The following INPP4A variants were observed in gnomAD, a reference collection of about 807,000 sequenced individuals.
INPP4A encodes the protein inositol polyphosphate-4-phosphatase, type I, 107kD.
A neutral mutation model predicts 119.8 loss-of-function variants in INPP4A; 33 were observed. The ratio of observed to expected loss-of-function variants is 0.28; its 90% CI spans 0.21 to 0.37. The LOEUF is 0.37. Among genes scored for constraint, INPP4A ranks in the 10% least tolerant of loss-of-function variants. The pLI is 1.00. For missense variants in INPP4A, 956 were observed against 1,289.9 expected, an observed-to-expected ratio of 0.74 and a Z score of 3.97; for synonymous variants, 496 against 500.7, an observed-to-expected ratio of 0.99 and a Z score of 0.12.
intron 1 of INPP4A, among the ~76,000 whole-genome samples, chr2:98,513,028 G>C (rs978646540): frequency 6.6e-6 from 1 of 152,038 alleles, no homozygotes; most frequent in Admixed American, 6.5e-5. Flanking sequence ...GATGGCTTTT[G>C]TTTGAAAGAA....
chr2:98,469,772 C>G (rs1305550833), intron 1 of INPP4A, among the ~76,000 whole-genome samples: 2 of 152,274 alleles, frequency 1.3e-5, no homozygotes, highest in Middle Eastern at 3.4e-3. Flanking sequence ...CCATTGCACT[C>G]CAGCCTGGGC....
At chr2:98,482,052 T>C (rs949398507) in intron 1 of INPP4A, among the ~76,000 whole-genome samples, 6 of 152,246 alleles carry the variant, frequency 3.9e-5, no homozygotes, top group Non-Finnish European at 5.9e-5. Flanking sequence ...AGTGGGAGGA[T>C]CACTTGAGGC....
chr2:98,562,092 CA>C (rs1392388280), intron 17 of INPP4A, among the ~76,000 whole-genome samples: 3 of 152,340 alleles, frequency 2.0e-5, no homozygotes, highest in East Asian at 3.9e-4. Context: ...CGGGCCTCCA[CA>C]TTTTCCACCT....
At chr2:98,496,678 A>C (rs1333042412) in intron 1 of INPP4A, among the ~76,000 whole-genome samples, 1 of 152,266 alleles carries the variant, frequency 6.6e-6, no homozygotes, top group Non-Finnish European at 1.5e-5. Flanking sequence ...AATTGCAGGA[A>C]ACAATCCAAT....
intron 16 of INPP4A, among the ~76,000 whole-genome samples, chr2:98,558,747 A>T (rs554392591): frequency 6.6e-6 from 1 of 152,334 alleles, no homozygotes; most frequent in Non-Finnish European, 1.5e-5. Context: ...CCAGTTAATG[A>T]GAAATTTTGG....
chr2:98,532,098 A>C (rs1689345666), intron 4 of INPP4A, among the ~76,000 whole-genome samples: 1 of 152,226 alleles, frequency 6.6e-6, no homozygotes, highest in African/African-American at 2.4e-5. Context: ...CAAAGGATGG[A>C]GATAGCCAGT....
chr2:98,460,772 G>A (rs1358625307), intron 1 of INPP4A, among the ~76,000 whole-genome samples: 3 of 152,178 alleles, frequency 2.0e-5, no homozygotes, highest in Non-Finnish European at 2.9e-5. Flanking sequence ...AGACCACAGG[G>A]CAGGGTGTCC....
chr2:98,593,122 C>T lies in INPP4A; in HGVS notation c.*5514C>T, dbSNP rs1399116382. The T allele has an allele frequency of 1.3e-5, 2 of 152,340 alleles. No individual in the cohort carries two copies. The highest frequency in any genetic ancestry group is 2.9e-5 in the Non-Finnish European group (2 of 68,118). The allele number at this position is 152,340 out of a possible 1,614,324, so 9.4% of individuals were successfully genotyped here. The stretch of plus-strand genomic sequence containing the variant: ...AAAACACCCATACTCTAGATTCCCT[C>T]CACTGGAACCCTGTCTTTGCCATGA... On this transcript the variant is annotated 3_prime_UTR_variant, in exon 25 of 25. Coordinates refer to ENST00000409851, the MANE Select transcript of INPP4A (RefSeq NM_001134225.2).
chr2:98,539,743 T>C (rs916973730), intron 10 of INPP4A, 68 bp downstream of exon 10: 17 of 1,494,458 alleles, frequency 1.1e-5, no homozygotes, highest in African/African-American at 7.1e-5. Flanking sequence ...TTCTGAGATA[T>C]AGCGGGCAGA....
chr2:98,494,106 C>T (rs1487981953), intron 1 of INPP4A, among the ~76,000 whole-genome samples: 1 of 152,176 alleles, frequency 6.6e-6, no homozygotes, highest in Non-Finnish European at 1.5e-5. Context: ...TTTTCCCATC[C>T]GCTGCCCAGC....
intron 8 of INPP4A, 128 bp downstream of exon 8, chr2:98,538,102 C>G (rs1690672903): frequency 1.2e-5 from 8 of 641,976 alleles, no homozygotes; most frequent in Admixed American, 2.7e-5. Context: ...TGCTGCTCCC[C>G]ACGGACACTC....
rs1214900084 is a variant in INPP4A, at chr2:98,550,703, C to T, written c.1164-2083C>T. Among the ~76,000 whole-genome samples, 3 of 152,356 alleles carry T rather than the reference C, an allele frequency of 2.0e-5. No individual in the cohort carries two copies. In the East Asian group the frequency reaches 5.8e-4, roughly 29 times the overall value. On this transcript the variant is annotated intron_variant, in intron 13 of 24. Transcript: ENST00000409851. Reference sequence around the variant, plus strand: ...CTTGTATTTTCCTCATCATCCTAAACAGCACCTCTTTGAAATTTGCCTTTT... The same window carrying T: ...CTTGTATTTTCCTCATCATCCTAAATAGCACCTCTTTGAAATTTGCCTTTT...
intron 1 of INPP4A, among the ~76,000 whole-genome samples, chr2:98,479,457 G>C (rs928817600): frequency 2.0e-5 from 3 of 152,152 alleles, no homozygotes; most frequent in Non-Finnish European, 4.4e-5. Flanking sequence ...TCTCTGCATG[G>C]GGATGGCTGG....
In INPP4A at chr2:98,573,834, T is replaced by C. The variant is rs1043763023; in HGVS notation, c.2631+907T>C. ...GCCGGGCTTCATGAAGCCGCACTTT[T>C]TGAATGTGCTCCACTTCTGGGTTTG... On this transcript the variant is annotated intron_variant, in intron 23 of 24. Coordinates refer to ENST00000409851, the MANE Select transcript of INPP4A (RefSeq NM_001134225.2). 2.0e-5 allele frequency among the ~76,000 whole-genome samples: 3 copies of C among 152,198 alleles called. No individual in the cohort carries two copies. In the East Asian group the frequency reaches 5.8e-4, roughly 29 times the overall value.
At chr2:98,512,036 C>T (rs1333934333) in intron 1 of INPP4A, among the ~76,000 whole-genome samples, 1 of 152,208 alleles carries the variant, frequency 6.6e-6, no homozygotes, top group East Asian at 1.9e-4. Flanking sequence ...TCCAGGCTCA[C>T]AGATGGCTCC....
rs1693767391 is a variant in INPP4A, at chr2:98,552,773, T to G, written c.1164-13T>G. The G allele has an allele frequency of 1.2e-6, 2 of 1,603,404 alleles. No homozygotes were observed. Among genetic ancestry groups the G allele is most frequent in the African/African-American group, 2.7e-5 (2 of 74,698 alleles). On this transcript the variant is annotated splice_polypyrimidine_tract_variant and intron_variant, in intron 13 of 24. Transcript: ENST00000409851. Reference sequence around the variant, plus strand: ...CTGGAGAATCCCTTAGAATCCATTCTTATCCTTTCCAGTACATCATCTGGC... The same window carrying G: ...CTGGAGAATCCCTTAGAATCCATTCGTATCCTTTCCAGTACATCATCTGGC...
At chr2:98,565,616 G>A in intron 19 of INPP4A, 24 bp from the exon 20 acceptor site, 1 of 1,592,312 alleles carries the variant, frequency 6.3e-7, no homozygotes. Context: ...CTGCCTGACA[G>A]CCCTGCCCCT....
chr2:98,546,477 C>T lies in INPP4A; in HGVS notation c.1055-109C>T, dbSNP rs778360529. On this transcript the variant is annotated intron_variant, in intron 12 of 24. Coordinates refer to ENST00000409851, the MANE Select transcript of INPP4A (RefSeq NM_001134225.2). This position sits in a 1 kb window ranked among gnomAD's most constrained non-coding sequence, Gnocchi z 4.2. ...GGGATCAGGGGAACCAAAGGCTGTA[C>T]AGCAGTGGGCTGGAGGGTCAGGACC... 3.1e-5 allele frequency: 22 copies of T among 718,514 alleles called. No homozygotes were observed. Among genetic ancestry groups the T allele is most frequent in the Non-Finnish European group, 5.0e-5 (21 of 421,836 alleles). 44.5% of individuals were successfully genotyped at this position (718,514 alleles called of 1,614,324 possible). A position where few individuals can be genotyped will look rare whatever the true frequency, so the allele number is the denominator to read the frequency against.
At chr2:98,486,013 T>G (rs1679465691) in intron 1 of INPP4A, among the ~76,000 whole-genome samples, 1 of 152,194 alleles carries the variant, frequency 6.6e-6, no homozygotes, top group Non-Finnish European at 1.5e-5. Context: ...GCTTGAAAGT[T>G]TTGAGTCAGG....
Sources: gnomAD v4.1 joint callset for allele counts (sites outside exome capture counted in the v4.1 genomes callset) on GRCh38, gnomAD v4.1.1 for gene constraint, Gnocchi (gnomAD v3.1) non-coding constraint, MANE v1.5 for transcripts, NCBI Gene and HGNC (gene_info 2026-07-23, HGNC 2026-07-21) for gene names.